Variants in EFNA5 observed in about 807,000 individuals in gnomAD.
The protein encoded by EFNA5 is ephrin-A5.
Under a neutral mutation model 22.9 loss-of-function variants are expected in EFNA5, and 5 were observed. The ratio of observed to expected loss-of-function variants is 0.22; its 90% CI spans 0.11 to 0.46. The LOEUF (loss-of-function observed/expected upper bound fraction) is 0.46, where lower values mean the gene tolerates loss of function less well. Ranked by LOEUF, EFNA5 falls within the 20% of genes least tolerant of loss-of-function variation. The probability of loss-of-function intolerance (pLI) is 0.99; values close to 1 mark genes in which losing one functional copy is unlikely to be tolerated. For synonymous variants in EFNA5, 113 were observed against 112.2 expected (o/e 1.01, Z -0.04); for missense variants, 237 against 293.3 (o/e 0.81, Z 1.40).
chr5:107,490,606 A>C (rs1580489602), intron 1 of EFNA5, among the ~76,000 whole-genome samples: 1 of 152,160 alleles, frequency 6.6e-6, no homozygotes, highest in African/African-American at 2.4e-5. Flanking sequence ...AGTGCAGGGT[A>C]GGCTACCACC....
At chr5:107,611,010 G>A (rs768532536) in intron 1 of EFNA5, among the ~76,000 whole-genome samples, 2 of 152,164 alleles carry the variant, frequency 1.3e-5, no homozygotes, top group Middle Eastern at 3.4e-3. Context: ...AGAATCAGGC[G>A]ACCTGGGCAT....
chr5:107,545,836 T>C (rs542769843), intron 1 of EFNA5, among the ~76,000 whole-genome samples: 1 of 152,338 alleles, frequency 6.6e-6, no homozygotes, highest in Non-Finnish European at 1.5e-5. Flanking sequence ...CATTCGTTTT[T>C]TTCCTAATCG....
intron 1 of EFNA5, among the ~76,000 whole-genome samples, chr5:107,628,170 G>A (rs547530891): frequency 6.6e-6 from 1 of 152,088 alleles, no homozygotes; most frequent in African/African-American, 2.4e-5. Context: ...AGAAGGTAAA[G>A]AACTTGATTA....
intron 1 of EFNA5, among the ~76,000 whole-genome samples, chr5:107,628,552 T>C (rs1750184614): frequency 6.6e-6 from 1 of 152,204 alleles, no homozygotes; most frequent in South Asian, 2.1e-4. Context: ...ATTTAGACTA[T>C]AAGCTAGACA....
intron 2 of EFNA5, among the ~76,000 whole-genome samples, chr5:107,392,187 C>T (rs1014696723): frequency 1.8e-4 from 27 of 152,144 alleles, no homozygotes; most frequent in Non-Finnish European, 2.5e-4. Context: ...GACATGGGTC[C>T]CAGGTATCCC....
rs879804243 is a variant in EFNA5 at position 107,618,922 on chromosome 5, C to CT, written c.125+51566dup. Among the ~76,000 whole-genome samples the CT allele has an allele frequency of 1.9e-3, 272 of 146,384 alleles. 2 individuals carry two copies. The highest frequency in any genetic ancestry group is 4.4e-3 in the African/African-American group (175 of 40,158). On this transcript the variant is annotated intron_variant, in intron 1 of 4. Transcript: ENST00000333274. Reference sequence around the variant, plus strand: ...AATGTGCCTATGCCAGTTGTGTACTCTTTTTTTTTTTTATTTTGAGACGGA... The same window carrying CT: ...AATGTGCCTATGCCAGTTGTGTACTCTTTTTTTTTTTTTATTTTGAGACGGA...
At chr5:107,623,476 T>G (rs1306966956) in intron 1 of EFNA5, among the ~76,000 whole-genome samples, 1 of 152,174 alleles carries the variant, frequency 6.6e-6, no homozygotes, top group African/African-American at 2.4e-5. Context: ...TAATGTTTAA[T>G]GATAATTTAT....
chr5:107,613,920 G>A (rs1455901112), intron 1 of EFNA5, among the ~76,000 whole-genome samples: 1 of 152,110 alleles, frequency 6.6e-6, no homozygotes, highest in African/African-American at 2.4e-5. Flanking sequence ...TAGGCATCCT[G>A]ATTGACAGTT....
chr5:107,421,286 GT>G (rs1748658707), intron 2 of EFNA5, among the ~76,000 whole-genome samples: 1 of 152,160 alleles, frequency 6.6e-6, no homozygotes, highest in East Asian at 1.9e-4. Context: ...GATGTCCATA[GT>G]AACACAGAAT....
rs1464658375 is a variant in EFNA5, at chr5:107,432,975, GATTTT to G, written c.126-5471_126-5467del. ...AGTAAATATATTTTCTCTTCCTTAT[GATTTT>G]ATTAATAACATTTTCTTTTCTTGAG... is the stretch of plus-strand genomic sequence containing the variant. On this transcript the variant is annotated intron_variant, in intron 1 of 4. Transcript: ENST00000333274. Among the ~76,000 whole-genome samples, 5 of 152,104 alleles carry G rather than the reference GATTTT, an allele frequency of 3.3e-5. No homozygotes were observed. The South Asian group carries it at 1.0e-3, about 32-fold the overall frequency.
intron 1 of EFNA5, among the ~76,000 whole-genome samples, chr5:107,611,442 G>A (rs1299535687): frequency 1.3e-5 from 2 of 152,122 alleles, no homozygotes; most frequent in East Asian, 1.9e-4. Context: ...AAGGTAAAAC[G>A]GTTCGCTCAA....
chr5:107,488,929 G>A (rs1746721127), intron 1 of EFNA5, among the ~76,000 whole-genome samples: 1 of 152,016 alleles, frequency 6.6e-6, no homozygotes, highest in African/African-American at 2.4e-5. Flanking sequence ...CTGACCTCAC[G>A]ATCCGCCTGC....
At chr5:107,513,219 G>A (rs1288212486) in intron 1 of EFNA5, among the ~76,000 whole-genome samples, 1 of 152,208 alleles carries the variant, frequency 6.6e-6, no homozygotes, top group Non-Finnish European at 1.5e-5. Context: ...TGGGAAAAGA[G>A]GGGCAGCTTT....
intron 1 of EFNA5, among the ~76,000 whole-genome samples, chr5:107,608,349 T>C (rs1464771181): frequency 6.6e-6 from 1 of 152,172 alleles, no homozygotes. Flanking sequence ...TGCAACAAAA[T>C]GAAGACAGAT....
chr5:107,434,090 A>G (rs1749045852), intron 1 of EFNA5, among the ~76,000 whole-genome samples: 1 of 152,194 alleles, frequency 6.6e-6, no homozygotes, highest in African/African-American at 2.4e-5. Context: ...GTTTGATGAC[A>G]TTAGGTAGCC....
At chr5:107,502,568 A>G (rs112532037) in intron 1 of EFNA5, among the ~76,000 whole-genome samples, 1 of 152,226 alleles carries the variant, frequency 6.6e-6, no homozygotes, top group African/African-American at 2.4e-5. Context: ...TTGACAGCAC[A>G]TAACTGCTGA....
chr5:107,475,665 A>G (rs1750265897), intron 1 of EFNA5, among the ~76,000 whole-genome samples: 1 of 152,080 alleles, frequency 6.6e-6, no homozygotes, highest in African/African-American at 2.4e-5. Flanking sequence ...CTGTTCAAGG[A>G]CTATGTCAGC....
At chr5:107,590,781 A>C (rs955439361) in intron 1 of EFNA5, among the ~76,000 whole-genome samples, 1 of 152,050 alleles carries the variant, frequency 6.6e-6, no homozygotes, top group African/African-American at 2.4e-5. Context: ...GCTGGACAAA[A>C]CTCACTGCAA....
intron 1 of EFNA5, among the ~76,000 whole-genome samples, chr5:107,578,251 A>C (rs886420600): frequency 2.6e-5 from 4 of 152,210 alleles, no homozygotes; most frequent in Non-Finnish European, 5.9e-5. Flanking sequence ...CACGTAATTA[A>C]ACTAGCTATG....
Sources: allele counts gnomAD v4.1 joint callset (sites outside exome capture counted in the v4.1 genomes callset), GRCh38; gene constraint gnomAD v4.1.1; transcripts MANE v1.5; gene names NCBI Gene and HGNC (gene_info 2026-07-23, HGNC 2026-07-21).